PCDHA1: variants seen among roughly 807,000 people sequenced by gnomAD.
PCDHA1 encodes protocadherin alpha 1.
Under a neutral mutation model 61.3 loss-of-function variants are expected in PCDHA1, and 42 were observed. The ratio of observed to expected loss-of-function variants is 0.69; its 90% CI spans 0.54 to 0.89. The LOEUF (loss-of-function observed/expected upper bound fraction) is 0.89. Among genes scored for constraint, PCDHA1 ranks in the 40% least tolerant of loss-of-function variants. PCDHA1 has a pLI of 0.00. For missense variants in PCDHA1, 1,256 were observed against 1,235.3 expected (o/e 1.02, Z -0.25); for synonymous variants, 610 against 553.8 (o/e 1.10, Z -1.43).
chr5:140,841,877 A>T, intron 1 of PCDHA1: 1 of 1,613,820 alleles, frequency 6.2e-7, no homozygotes, highest in Non-Finnish European at 8.5e-7. Flanking sequence ...GAATTCAAAG[A>T]ACGATGAGAA....
intron 1 of PCDHA1, chr5:140,883,026 A>C (rs1562783010): frequency 6.2e-7 from 1 of 1,614,190 alleles, no homozygotes; most frequent in Non-Finnish European, 8.5e-7. Context: ...ACGGTGTTAG[A>C]GAACGCCTTC....
chr5:140,786,758 A>C lies in PCDHA1; in HGVS notation c.468A>C (p.Gly156=). Reference sequence around the variant, plus strand: ...TGAATTCGCGTTTTCCGATAGAAGGAGCTGCTGATGCAGACATTGGTGCTA... The same window carrying C: ...TGAATTCGCGTTTTCCGATAGAAGGCGCTGCTGATGCAGACATTGGTGCTA... ...RLLNSRFPIE[G]AADADIGANA... The change falls in exon 1 of 4, where the codon GGA becomes GGC. Residue 156 remains glycine (G), a synonymous_variant. Coordinates refer to ENST00000504120, the MANE Select transcript of PCDHA1 (RefSeq NM_018900.4). 1.2e-6 allele frequency: 2 copies of C among 1,614,230 alleles called. No individual in the cohort carries two copies. Among genetic ancestry groups the C allele is most frequent in the South Asian group, 2.2e-5 (2 of 91,084 alleles).
chr5:140,854,357 G>A (rs251358), intron 1 of PCDHA1: 79,269 of 162,662 alleles, frequency 0.49, 22,300 homozygotes, highest in South Asian at 0.62. Context: ...TAAAACAAAC[G>A]TTGATATTTT....
chr5:140,853,245 C>T lies in PCDHA1; in HGVS notation c.2394+64561C>T. On this transcript the variant is annotated intron_variant, in intron 1 of 3. Coordinates refer to ENST00000504120, the MANE Select transcript of PCDHA1 (RefSeq NM_018900.4). ...TGGTAATTTAGTCCTTCATATTAAT[C>T]TCTATTCTCTCTCAGAGTACAAGCT... The T allele has an allele frequency of 2.1e-6, 2 of 975,340 alleles. 1 individual carries two copies. The highest frequency in any genetic ancestry group is 2.5e-6 in the Non-Finnish European group (2 of 808,438). The allele number at this position is 975,340 out of a possible 1,614,324, so 60.4% of individuals were successfully genotyped here.
chr5:140,943,057 G>A (rs907618778), intron 1 of PCDHA1, among the ~76,000 whole-genome samples: 2 of 151,996 alleles, frequency 1.3e-5, no homozygotes, highest in African/African-American at 4.8e-5. Context: ...AGGAGTTCAA[G>A]AACAGCCTGA....
chr5:140,849,660 C>G (rs2041023883), intron 1 of PCDHA1: 1 of 1,598,636 alleles, frequency 6.3e-7, no homozygotes, highest in Admixed American at 1.7e-5. Context: ...TACCTGCTCC[C>G]TGACGCCCCA....
At chr5:140,876,671 C>A in intron 1 of PCDHA1, 1 of 1,614,212 alleles carries the variant, frequency 6.2e-7, no homozygotes, top group African/African-American at 1.3e-5. Flanking sequence ...CTGGTGTCCA[C>A]CTACAAGAAT....
At chr5:140,977,784 A>G (rs1284023783) in intron 1 of PCDHA1, among the ~76,000 whole-genome samples, 1 of 152,366 alleles carries the variant, frequency 6.6e-6, no homozygotes, top group East Asian at 1.9e-4. Context: ...TAAAGGAACT[A>G]TATGAATGAT....
At chr5:140,936,184 C>T (rs572832347) in intron 1 of PCDHA1, among the ~76,000 whole-genome samples, 4 of 152,308 alleles carry the variant, frequency 2.6e-5, no homozygotes, top group African/African-American at 4.8e-5. Context: ...TAAACCACCA[C>T]GCCCAGCCAA....
In PCDHA1 at chr5:140,824,615, T is replaced by TG. The variant is rs1195516924; in HGVS notation, c.2394+35931_2394+35932insG. 2.4e-5 allele frequency: 3 copies of TG among 126,010 alleles called. No individual in the cohort carries two copies. The East Asian group carries it at 6.2e-4, about 26-fold the overall frequency. 7.8% of individuals were successfully genotyped at this position (126,010 alleles called of 1,614,324 possible). On this transcript the variant is annotated intron_variant, in intron 1 of 3. Transcript: ENST00000504120. ...ACATGCACATGCTAATTAAAGTTTT[T>TG]TTTTTTTTTTTTTTTTTATTTTCTG...
At chr5:140,884,221 G>A in intron 1 of PCDHA1, 1 of 1,613,488 alleles carries the variant, frequency 6.2e-7, no homozygotes, top group East Asian at 2.2e-5. Context: ...TGGTGCTGGT[G>A]AAGGACCACG....
chr5:140,840,576 A>C (rs1264610441), intron 1 of PCDHA1, among the ~76,000 whole-genome samples: 1 of 152,090 alleles, frequency 6.6e-6, no homozygotes, highest in African/African-American at 2.4e-5. Flanking sequence ...GGCATGTCAG[A>C]GAAATCATAA....
At position 140,857,211 on chromosome 5, in the gene PCDHA1, T is replaced by C; in HGVS notation, c.2394+68527T>C. 5 of 1,598,632 alleles carry C rather than the reference T, an allele frequency of 3.1e-6. 1 individual carries two copies. Among genetic ancestry groups the C allele is most frequent in the Non-Finnish European group, 4.3e-6 (5 of 1,167,976 alleles). On this transcript the variant is annotated intron_variant, in intron 1 of 3. Coordinates refer to ENST00000504120, the MANE Select transcript of PCDHA1 (RefSeq NM_018900.4). ...GCCAACGGACAGGTCACCTGCTCTCTGACGCCTCACGTTCCGTTCAAGCTG... is the reference window on the plus strand; with the variant it reads ...GCCAACGGACAGGTCACCTGCTCTCCGACGCCTCACGTTCCGTTCAAGCTG...
At chr5:140,807,965 T>C (rs1764072743) in intron 1 of PCDHA1, 4 of 1,613,838 alleles carry the variant, frequency 2.5e-6, no homozygotes, top group Non-Finnish European at 3.4e-6. Flanking sequence ...TAATGGAACA[T>C]TGGTAATTAA....
At chr5:140,860,259 A>T (rs559860776) in intron 1 of PCDHA1, 1 of 151,706 alleles carries the variant, frequency 6.6e-6, no homozygotes. Flanking sequence ...TTTAGTCCCT[A>T]CTGTAGTGCT....
At chr5:140,957,130 A>C in intron 1 of PCDHA1, among the ~76,000 whole-genome samples, 1 of 152,188 alleles carries the variant, frequency 6.6e-6, no homozygotes, top group Middle Eastern at 3.2e-3. Flanking sequence ...TCTTTACTAC[A>C]CTATGAACTA....
intron 1 of PCDHA1, chr5:140,842,500 C>T: frequency 1.9e-6 from 3 of 1,613,834 alleles, no homozygotes; most frequent in Middle Eastern, 1.6e-4. Context: ...TGCCCCATGT[C>T]CCCTTCAAGC....
intron 1 of PCDHA1, chr5:140,875,904 A>G: frequency 1.9e-6 from 3 of 1,614,194 alleles, no homozygotes; most frequent in Non-Finnish European, 2.5e-6. Context: ...CTGTTTCTGA[A>G]TCTGCGCCTC....
At chr5:140,920,932 G>A (rs2079937589) in intron 1 of PCDHA1, among the ~76,000 whole-genome samples, 1 of 151,286 alleles carries the variant, frequency 6.6e-6, no homozygotes, top group Admixed American at 6.6e-5. Flanking sequence ...AGGTGATCTA[G>A]CCCTTTCATT....
Sources: allele counts gnomAD v4.1 joint callset (sites outside exome capture counted in the v4.1 genomes callset), GRCh38; gene constraint gnomAD v4.1.1; transcripts MANE v1.5; gene names NCBI Gene and HGNC (gene_info 2026-07-23, HGNC 2026-07-21).